CDYL: variants seen among roughly 807,000 people sequenced by gnomAD.
The protein encoded by CDYL is chromodomain Y-like protein.
Under a neutral mutation model 47.3 loss-of-function variants are expected in CDYL, and 8 were observed. That is an observed-to-expected ratio of 0.17 (90% confidence interval 0.10 to 0.31). The LOEUF (loss-of-function observed/expected upper bound fraction) is 0.31. Ranked by LOEUF, CDYL falls within the 10% of genes least tolerant of loss-of-function variation. The pLI is 1.00. For missense variants in CDYL, 471 were observed against 701.4 expected (o/e 0.67, Z 3.71); for synonymous variants, 266 against 265.0 (o/e 1.00, Z -0.04).
intron 3 of CDYL, among the ~76,000 whole-genome samples, chr6:4,756,966 G>A (rs755133703): frequency 5.3e-5 from 8 of 152,138 alleles, no homozygotes; most frequent in Non-Finnish European, 1.2e-4. Context: ...ATACTGAAAA[G>A]CAAAACTATT....
chr6:4,892,635 TCTAA>T (rs1387669172), intron 2 of CDYL, among the ~76,000 whole-genome samples: 1 of 152,164 alleles, frequency 6.6e-6, no homozygotes, highest in Non-Finnish European at 1.5e-5. Flanking sequence ...AGTATCTCCC[TCTAA>T]CTAGGTTATT....
At chr6:4,914,269 C>T (rs1425302188) in intron 2 of CDYL, among the ~76,000 whole-genome samples, 1 of 151,348 alleles carries the variant, frequency 6.6e-6, no homozygotes, top group Non-Finnish European at 1.5e-5. Flanking sequence ...GGTTTGCTGC[C>T]CTTCCCCCAG....
At chr6:4,766,608 G>A (rs1758255400) in intron 3 of CDYL, among the ~76,000 whole-genome samples, 1 of 152,194 alleles carries the variant, frequency 6.6e-6, no homozygotes, top group East Asian at 1.9e-4. Flanking sequence ...ATGCATACAG[G>A]TATCAAAAGA....
chr6:4,727,802 C>T (rs1052641356), intron 2 of CDYL, among the ~76,000 whole-genome samples: 1 of 152,110 alleles, frequency 6.6e-6, no homozygotes, highest in African/African-American at 2.4e-5. Context: ...GGCTCATGCA[C>T]TCAATGAGTG....
At chr6:4,780,493 T>G (rs1335659493) in intron 1 of CDYL, among the ~76,000 whole-genome samples, 1 of 146,676 alleles carries the variant, frequency 6.8e-6, no homozygotes, top group Non-Finnish European at 1.5e-5. Context: ...GGTCTCAAAC[T>G]CCTGGTCTCA....
At chr6:4,928,350 G>T (rs1194638839) in intron 2 of CDYL, among the ~76,000 whole-genome samples, 4 of 151,906 alleles carry the variant, frequency 2.6e-5, no homozygotes, top group Non-Finnish European at 1.5e-5. Flanking sequence ...TTTTTAAGTT[G>T]TTTATTCCTA....
Position 4,776,582 on chromosome 6 carries a change from G to A in CDYL, c.-202G>A. On this transcript the variant is annotated 5_prime_UTR_variant, in exon 1 of 7. Transcript: ENST00000397588. ...CGGGGCGCCCAGGGCGCGTTGCGTA[G>A]CTGCTCCTGCGCACAACCCCGCCGC... 1 of 229,926 alleles carries A rather than the reference G, an allele frequency of 4.3e-6. No homozygotes were observed. 14.2% of individuals were successfully genotyped at this position (229,926 alleles called of 1,614,324 possible).
rs1459739467 is a variant in CDYL, at chr6:4,776,589, C to G, written c.-195C>G. 2 of 254,496 alleles carry G rather than the reference C, an allele frequency of 7.9e-6. No individual in the cohort carries two copies. Among genetic ancestry groups the G allele is most frequent in the Non-Finnish European group, 1.4e-5 (2 of 145,204 alleles). 15.8% of individuals were successfully genotyped at this position (254,496 alleles called of 1,614,324 possible). ...CCCAGGGCGCGTTGCGTAGCTGCTC[C>G]TGCGCACAACCCCGCCGCGCCGCCG... is the stretch of plus-strand genomic sequence containing the variant. On this transcript the variant is annotated 5_prime_UTR_variant, in exon 1 of 7. Transcript: ENST00000397588.
chr6:4,879,097 C>CTTAT (rs1204774243), intron 1 of CDYL, among the ~76,000 whole-genome samples: 1 of 152,076 alleles, frequency 6.6e-6, no homozygotes, highest in African/African-American at 2.4e-5. Context: ...TTTATTGAGA[C>CTTAT]TTATTTTATG....
intron 2 of CDYL, among the ~76,000 whole-genome samples, chr6:4,925,937 C>T (rs1478880935): frequency 1.3e-5 from 2 of 152,172 alleles, no homozygotes; most frequent in Non-Finnish European, 2.9e-5. Flanking sequence ...GAACTATGCG[C>T]TTCATGTAGA....
At chr6:4,892,413 T>G in intron 2 of CDYL, 34 bp downstream of exon 2, 1 of 1,559,864 alleles carries the variant, frequency 6.4e-7, no homozygotes, top group South Asian at 1.2e-5. Context: ...GGCTCCGTGG[T>G]GATCCCAGAG....
chr6:4,823,283 C>T (rs1018702158), intron 1 of CDYL, among the ~76,000 whole-genome samples: 9 of 152,094 alleles, frequency 5.9e-5, no homozygotes, highest in African/African-American at 1.2e-4. Context: ...GAGAACAGTC[C>T]CAATTCCATT....
At chr6:4,725,951 A>G (rs1349582756) in intron 2 of CDYL, among the ~76,000 whole-genome samples, 3 of 151,856 alleles carry the variant, frequency 2.0e-5, no homozygotes, top group Admixed American at 6.5e-5. Flanking sequence ...GCAAATTACC[A>G]AGCAGCGTTT....
chr6:4,753,061 G>T (rs995987111), intron 3 of CDYL, among the ~76,000 whole-genome samples: 2 of 152,100 alleles, frequency 1.3e-5, no homozygotes, highest in African/African-American at 4.8e-5. Context: ...GGGACCACAG[G>T]TGTGCACCAC....
intron 2 of CDYL, among the ~76,000 whole-genome samples, chr6:4,930,840 G>A (rs983798225): frequency 6.6e-6 from 1 of 152,178 alleles, no homozygotes; most frequent in African/African-American, 2.4e-5. Context: ...GGAAAGCCTT[G>A]GTACTCTGAA....
chr6:4,793,993 T>G (rs1271027368), intron 1 of CDYL, among the ~76,000 whole-genome samples: 1 of 152,008 alleles, frequency 6.6e-6, no homozygotes, highest in Non-Finnish European at 1.5e-5. Flanking sequence ...CTTTTAGACA[T>G]CTAGTGGGAG....
intron 3 of CDYL, among the ~76,000 whole-genome samples, chr6:4,740,861 A>G (rs1024420793): frequency 6.7e-5 from 10 of 150,240 alleles, no homozygotes; most frequent in Admixed American, 3.3e-4. Flanking sequence ...ATCTCTGCTC[A>G]CTGCAACCTC....
intron 1 of CDYL, among the ~76,000 whole-genome samples, chr6:4,799,485 AC>A (rs1759166403): frequency 6.6e-6 from 1 of 151,800 alleles, no homozygotes; most frequent in Non-Finnish European, 1.5e-5. Context: ...GGTCTCACTC[AC>A]CCAGGTTGGA....
intron 2 of CDYL, among the ~76,000 whole-genome samples, chr6:4,729,653 C>T (rs1402780808): frequency 6.6e-6 from 1 of 152,242 alleles, no homozygotes; most frequent in African/African-American, 2.4e-5. Context: ...CATGGTGGCT[C>T]ATGTCTGTAA....
Sources: gnomAD v4.1 joint callset for allele counts (sites outside exome capture counted in the v4.1 genomes callset) on GRCh38, gnomAD v4.1.1 for gene constraint, MANE v1.5 for transcripts, NCBI Gene and HGNC (gene_info 2026-07-23, HGNC 2026-07-21) for gene names.